Variants in NCAPD3 observed in about 807,000 individuals in gnomAD.
The protein encoded by NCAPD3 is condensin-2 complex subunit D3.
NCAPD3 carries 105 observed loss-of-function variants against 182.9 expected under a neutral mutation model. The observed-to-expected ratio is 0.57, with a 90% CI of 0.49 to 0.68. The LOEUF is 0.68. Among genes scored for constraint, NCAPD3 ranks in the 30% least tolerant of loss-of-function variants. The probability of loss-of-function intolerance (pLI) is 0.00; values close to 1 mark genes in which losing one functional copy is unlikely to be tolerated. For missense variants in NCAPD3, 1,944 were observed against 1,837.0 expected, an observed-to-expected ratio of 1.06 and a Z score of -1.07; for synonymous variants, 815 against 679.9, an observed-to-expected ratio of 1.20 and a Z score of -3.09.
intron 2 of NCAPD3, 95 bp from the exon 3 acceptor site, chr11:134,217,193 A>C (rs757407989): frequency 8.2e-7 from 1 of 1,217,450 alleles, no homozygotes; most frequent in Admixed American, 3.1e-5. Flanking sequence ...GCCTTACAAA[A>C]AGAGGAATAG....
intron 24 of NCAPD3, among the ~76,000 whole-genome samples, chr11:134,175,301 G>A (rs1201199752): frequency 1.3e-5 from 2 of 152,150 alleles, no homozygotes; most frequent in Admixed American, 6.5e-5. Flanking sequence ...CCTGGGCCAC[G>A]TACTGCGTAA....
At chr11:134,207,742 CAAAAAAAAA>C (rs34965902) in intron 7 of NCAPD3, among the ~76,000 whole-genome samples, 2 of 62,100 alleles carry the variant, frequency 3.2e-5, no homozygotes, top group Admixed American at 2.1e-4. Context: ...GACTGCGTCT[CAAAAAAAAA>C]AAAAAAAAAA....
At chr11:134,157,551 T>C (rs1943457547) in intron 31 of NCAPD3, among the ~76,000 whole-genome samples, 1 of 152,182 alleles carries the variant, frequency 6.6e-6, no homozygotes, top group Admixed American at 6.5e-5. Context: ...AAGCAAAGGT[T>C]GGAAAGAAAA....
At position 134,177,136 on chromosome 11, in the gene NCAPD3, C is replaced by T. The variant is rs538871865; in HGVS notation, c.3021+83G>A. 8.8e-5 allele frequency: 96 copies of T among 1,090,756 alleles called. No homozygotes were observed. The East Asian group carries it at 2.2e-3, about 25-fold the overall frequency. 67.6% of individuals were successfully genotyped at this position (1,090,756 alleles called of 1,614,324 possible). A position where few individuals can be genotyped will look rare whatever the true frequency, so the allele number is the denominator to read the frequency against. On this transcript the variant is annotated intron_variant, in intron 23 of 34. Coordinates refer to ENST00000534548, the MANE Select transcript of NCAPD3 (RefSeq NM_015261.3). ...TTTTTGGATTCTACTACAAAGCAAG[C>T]ACATTTCCTATGCTACTCAAATATT... is the stretch of plus-strand genomic sequence containing the variant.
chr11:134,154,482 C>A (rs985522690), intron 32 of NCAPD3, among the ~76,000 whole-genome samples: 2 of 150,234 alleles, frequency 1.3e-5, no homozygotes, highest in African/African-American at 4.9e-5. Flanking sequence ...TCTGCACCCC[C>A]CCCCCCACCG....
intron 3 of NCAPD3, among the ~76,000 whole-genome samples, chr11:134,212,388 T>A (rs1226997992): frequency 6.6e-6 from 1 of 150,754 alleles, no homozygotes; most frequent in East Asian, 1.9e-4. Context: ...TGTGTGTGTG[T>A]GTGTGTGTGT....
chr11:134,208,811 T>C, intron 7 of NCAPD3, 53 bp downstream of exon 7: 1 of 1,190,848 alleles, frequency 8.4e-7, no homozygotes, highest in Non-Finnish European at 1.2e-6. Flanking sequence ...CATCATATGG[T>C]TCATGTGCCT....
At chr11:134,219,106 CCA>C (rs1938132392) in intron 2 of NCAPD3, among the ~76,000 whole-genome samples, 1 of 152,228 alleles carries the variant, frequency 6.6e-6, no homozygotes, top group Non-Finnish European at 1.5e-5. Context: ...TCCCGTTCCA[CCA>C]CACTTTTTCT....
rs184053468 is a variant in NCAPD3, at chr11:134,160,153, G to A, written c.3685-79C>T. The A allele has an allele frequency of 1.4e-4, 208 of 1,463,052 alleles. No individual in the cohort carries two copies. The East Asian group carries it at 3.0e-3, about 21-fold the overall frequency. The allele number at this position is 1,463,052 out of a possible 1,614,324, so 90.6% of individuals were successfully genotyped here. A position where few individuals can be genotyped will look rare whatever the true frequency, so the allele number is the denominator to read the frequency against. ...CCCTAAACCCCCACGACACACCTTC[G>A]CCTGTGTAACAAACCTGCACATCCT... On this transcript the variant is annotated intron_variant, in intron 28 of 34. Transcript: ENST00000534548.
chr11:134,183,130 A>G, intron 19 of NCAPD3: 2 of 456,302 alleles, frequency 4.4e-6, no homozygotes, highest in Non-Finnish European at 8.8e-6. Flanking sequence ...CGCGCTGTAC[A>G]CATGATTCTT....
intron 3 of NCAPD3, 104 bp from the exon 4 acceptor site, chr11:134,210,558 A>C (rs1937795641): frequency 2.0e-6 from 2 of 992,268 alleles, no homozygotes; most frequent in Admixed American, 4.8e-5. Context: ...GCTTTTCATG[A>C]CTGTGAATAA....
chr11:134,210,607 C>T (rs768892274), intron 3 of NCAPD3, among the ~76,000 whole-genome samples, 153 bp from the exon 4 acceptor site: 17 of 152,190 alleles, frequency 1.1e-4, no homozygotes, highest in Admixed American at 6.5e-5. Flanking sequence ...GCAACGTCAG[C>T]CTTAGTAGAG....
intron 19 of NCAPD3, 47 bp downstream of exon 19, chr11:134,184,590 C>T: frequency 7.4e-7 from 1 of 1,353,016 alleles, no homozygotes; most frequent in South Asian, 1.3e-5. Flanking sequence ...CAGTAACATC[C>T]TAAGCTCAAA....
At chr11:134,180,680 G>A (rs537955266) in intron 20 of NCAPD3, among the ~76,000 whole-genome samples, 1 of 152,288 alleles carries the variant, frequency 6.6e-6, no homozygotes, top group East Asian at 1.9e-4. Flanking sequence ...ACTGTCTGAT[G>A]TTCAAATAGC....
intron 29 of NCAPD3, 43 bp downstream of exon 29, chr11:134,159,849 A>C: frequency 6.4e-7 from 1 of 1,573,458 alleles, no homozygotes; most frequent in Non-Finnish European, 8.6e-7. Context: ...AGCAGACAGC[A>C]GACTGGACTG....
At chr11:134,203,038 C>T in intron 12 of NCAPD3, 104 bp downstream of exon 12, 1 of 1,186,990 alleles carries the variant, frequency 8.4e-7, no homozygotes. Context: ...GAAAAAAGTA[C>T]AATGTTAAAG....
chr11:134,224,081 C>A (rs574944230), upstream of NCAPD3: 106 of 873,584 alleles, frequency 1.2e-4, no homozygotes, highest in African/African-American at 1.4e-3. Context: ...AACCAATCAC[C>A]GGCGTCGTCC....
In NCAPD3 at chr11:134,216,946, T is replaced by TA; in HGVS notation, c.371dup (p.Glu125ArgfsTer17). 6.2e-7 allele frequency: 1 copy of TA among 1,610,508 alleles called. No individual in the cohort carries two copies. The highest frequency in any genetic ancestry group is 8.5e-7 in the Non-Finnish European group (1 of 1,179,014). ...ATCAGGTCTACATACCTGGTACTTC[T>TA]AGTAGCAAAAAGTAAAGCCCAGCGG... On this transcript the variant is annotated frameshift_variant, in exon 3 of 35. Coordinates refer to ENST00000534548, the MANE Select transcript of NCAPD3 (RefSeq NM_015261.3). LOFTEE classifies it high-confidence loss of function.
At chr11:134,170,945 C>A (rs79435162) in intron 24 of NCAPD3, among the ~76,000 whole-genome samples, 3,729 of 152,290 alleles carry the variant, frequency 0.024, 67 homozygotes, top group Non-Finnish European at 0.037. Context: ...ATGCACAAAT[C>A]CTGCAAGCTT....
Sources: gnomAD v4.1 joint callset for allele counts (sites outside exome capture counted in the v4.1 genomes callset) on GRCh38, gnomAD v4.1.1 for gene constraint, MANE v1.5 for transcripts, NCBI Gene and HGNC (gene_info 2026-07-23, HGNC 2026-07-21) for gene names.